NELFA: variants seen among roughly 807,000 people sequenced by gnomAD.
NELFA encodes negative elongation factor complex member A, also known as negative elongation factor A.
A neutral mutation model predicts 51.8 loss-of-function variants in NELFA; 35 were observed. The observed-to-expected ratio is 0.68, with a 90% confidence interval of 0.52 to 0.90. NELFA has a LOEUF of 0.90. Among genes scored for constraint, NELFA ranks in the 40% least tolerant of loss-of-function variants. The probability of loss-of-function intolerance (pLI) is 0.00; values close to 1 mark genes in which losing one functional copy is unlikely to be tolerated. For synonymous variants in NELFA, 417 were observed against 338.4 expected (o/e 1.23, Z -2.55); for missense variants, 658 against 746.4 (o/e 0.88, Z 1.38).
rs956666342 is a variant in NELFA, at chr4:1,983,062, T to G, written c.*257A>C. The G allele has an allele frequency of 1.3e-5, 5 of 392,398 alleles. No individual in the cohort carries two copies. Among genetic ancestry groups the G allele is most frequent in the Non-Finnish European group, 2.3e-5 (5 of 221,688 alleles). The allele number at this position is 392,398 out of a possible 1,614,324, so 24.3% of individuals were successfully genotyped here. A position where few individuals can be genotyped will look rare whatever the true frequency, so the allele number is the denominator to read the frequency against. ...TTGTAACTTTTTTGGTTAATTTACTTACTACATTCAAAAATGTAACGTTGA... is the reference window on the plus strand; with the variant it reads ...TTGTAACTTTTTTGGTTAATTTACTGACTACATTCAAAAATGTAACGTTGA... On this transcript the variant is annotated 3_prime_UTR_variant, in exon 11 of 11. Coordinates refer to ENST00000382882, the MANE Select transcript of NELFA (RefSeq NM_005663.5).
At chr4:1,991,009 G>A (rs370758790) in intron 2 of NELFA, among the ~76,000 whole-genome samples, 1 of 152,136 alleles carries the variant, frequency 6.6e-6, no homozygotes. Context: ...ATGTTTCCCA[G>A]GCTGGTCTCG....
chr4:1,992,376 C>G, intron 1 of NELFA: 1 of 305,836 alleles, frequency 3.3e-6, no homozygotes, highest in South Asian at 2.3e-5. Flanking sequence ...GTGGAGGAAG[C>G]AGGCGCACCC....
At chr4:1,992,146 G>A in intron 1 of NELFA, 1 of 216,882 alleles carries the variant, frequency 4.6e-6, no homozygotes, top group South Asian at 5.6e-5. Context: ...GGAGCAGGGT[G>A]GAGTCACCTG....
intron 1 of NELFA, chr4:2,008,042 G>T (rs756681619): frequency 2.2e-6 from 1 of 456,900 alleles, no homozygotes; most frequent in Admixed American, 2.3e-5. Flanking sequence ...CCGGACGGCC[G>T]GGGTCTTTGC....
intron 1 of NELFA, chr4:2,007,902 A>G (rs1470029481): frequency 2.2e-6 from 1 of 452,706 alleles, no homozygotes; most frequent in Non-Finnish European, 4.4e-6. Context: ...CTGCAAAACT[A>G]CTCGGTTTAT....
At chr4:1,994,766 A>T (rs185472971) in intron 1 of NELFA, among the ~76,000 whole-genome samples, 39 of 151,476 alleles carry the variant, frequency 2.6e-4, no homozygotes, top group Non-Finnish European at 4.4e-4. Flanking sequence ...GAGGCAGGAG[A>T]ATGGCGTGAA....
intron 1 of NELFA, 53 bp downstream of exon 1, chr4:2,008,697 G>A (rs548652464): frequency 1.4e-5 from 22 of 1,554,784 alleles, no homozygotes; most frequent in Non-Finnish European, 1.8e-5. Flanking sequence ...TGTGCGGGTC[G>A]GAGGTGGGAA....
rs1728163018 is a variant in NELFA at position 1,988,066 on chromosome 4, TA to T, written c.545-60del. 5.7e-6 allele frequency: 8 copies of T among 1,403,898 alleles called. No individual in the cohort carries two copies. The East Asian group carries it at 1.9e-4, about 33-fold the overall frequency. 87.0% of individuals were successfully genotyped at this position (1,403,898 alleles called of 1,614,324 possible). On this transcript the variant is annotated intron_variant, in intron 3 of 10. Coordinates refer to ENST00000382882, the MANE Select transcript of NELFA (RefSeq NM_005663.5). Reference sequence around the variant, plus strand: ...TCAGAGCGAGAGCCCTTGGCCCTTGTAAAAACATCTCTGTCAAGTGGATTCA... The same window carrying T: ...TCAGAGCGAGAGCCCTTGGCCCTTGTAAAACATCTCTGTCAAGTGGATTCA...
At chr4:1,993,519 C>T (rs1000526659) in intron 1 of NELFA, among the ~76,000 whole-genome samples, 1 of 148,006 alleles carries the variant, frequency 6.8e-6, no homozygotes. Context: ...GCGGAGGTTG[C>T]GTGAGCTGAG....
Position 1,984,012 on chromosome 4 carries a change from C to T in NELFA, c.1138G>A (p.Gly380Ser), listed in dbSNP as rs769354515. ...FKQRAPMYNS[G>S]LSPATPTPAA... The stretch of plus-strand genomic sequence containing the variant: ...GGCGTGGGTGTGGCAGGGCTCAGGC[C>T]GCTGTTGTACATGGGCGCCCGCTGC... The change falls in exon 9 of 11, where the codon GGC (glycine) becomes AGC (serine). Residue 380 changes from glycine to serine, a missense_variant. Coordinates refer to ENST00000382882, the MANE Select transcript of NELFA (RefSeq NM_005663.5). 20 of 1,608,576 alleles carry T rather than the reference C, an allele frequency of 1.2e-5. No homozygotes were observed. The highest frequency in any genetic ancestry group is 3.3e-5 in the South Asian group (3 of 91,004).
intron 1 of NELFA, among the ~76,000 whole-genome samples, chr4:2,008,434 G>C (rs1245325667): frequency 1.3e-5 from 2 of 150,726 alleles, no homozygotes; most frequent in African/African-American, 4.9e-5. Context: ...ACGAAAAGTA[G>C]GGAGGTGAGG....
intron 1 of NELFA, among the ~76,000 whole-genome samples, chr4:1,999,410 G>A (rs1438345013): frequency 6.6e-6 from 1 of 151,900 alleles, no homozygotes; most frequent in Non-Finnish European, 1.5e-5. Context: ...CATCTTACAC[G>A]CAAAGACACA....
chr4:1,992,474 A>C (rs1266314960), intron 1 of NELFA: 4 of 435,456 alleles, frequency 9.2e-6, no homozygotes, highest in Non-Finnish European at 1.8e-5. Context: ...GGAAACGCAG[A>C]GAGCCAGGCC....
intron 1 of NELFA, among the ~76,000 whole-genome samples, chr4:2,001,308 A>C (rs1480673785): frequency 2.0e-5 from 3 of 152,218 alleles, no homozygotes; most frequent in Non-Finnish European, 4.4e-5. Context: ...GCAATTAGGC[A>C]AGAGAAAGAA....
intron 4 of NELFA, chr4:1,987,548 C>T (rs1728142138): frequency 4.7e-6 from 1 of 211,030 alleles, no homozygotes; most frequent in East Asian, 1.0e-4. Context: ...GCCGAAAGCC[C>T]GAGCTGGGAA....
intron 1 of NELFA, among the ~76,000 whole-genome samples, chr4:1,996,711 C>T (rs770488327): frequency 3.3e-5 from 5 of 152,170 alleles, no homozygotes; most frequent in African/African-American, 4.8e-5. Context: ...GCATGTGGAT[C>T]ACTTGAGGTC....
Position 1,992,390 on chromosome 4 carries a change from GC to G in NELFA, c.211-676del. The G allele has an allele frequency of 1.5e-5, 5 of 334,524 alleles. No homozygotes were observed. The Middle Eastern group carries it at 1.9e-3, about 128-fold the overall frequency. 20.7% of individuals were successfully genotyped at this position (334,524 alleles called of 1,614,324 possible). ...CGTGGAGGAAGCAGGCGCACCCCGT[GC>G]TCCCTCAATACCTGGGAGGCCAGAT... is the stretch of plus-strand genomic sequence containing the variant. On this transcript the variant is annotated intron_variant, in intron 1 of 10. Transcript: ENST00000382882.
intron 1 of NELFA, among the ~76,000 whole-genome samples, chr4:1,993,059 G>A (rs1407418857): frequency 6.6e-6 from 1 of 152,256 alleles, no homozygotes; most frequent in African/African-American, 2.4e-5. Flanking sequence ...GCCTCTGGCA[G>A]CCGCACAGCC....
chr4:1,986,994 G>T (rs1728124516), intron 4 of NELFA, among the ~76,000 whole-genome samples: 1 of 152,142 alleles, frequency 6.6e-6, no homozygotes, highest in Non-Finnish European at 1.5e-5. Context: ...ATGCCTGGTG[G>T]GGGTGGAAAG....
Sources: gnomAD v4.1 joint callset for allele counts (sites outside exome capture counted in the v4.1 genomes callset) on GRCh38, gnomAD v4.1.1 for gene constraint, MANE v1.5 for transcripts, NCBI Gene and HGNC (gene_info 2026-07-23, HGNC 2026-07-21) for gene names.